Variants in SUCLG2 observed in about 807,000 individuals in gnomAD.
SUCLG2 encodes the protein succinate--CoA ligase [GDP-forming] subunit beta, mitochondrial.
In SUCLG2, 42 loss-of-function variants were observed where a neutral mutation model predicts 47.9. The observed-to-expected ratio is 0.88, with a 90% CI of 0.69 to 1.14. SUCLG2 has a LOEUF of 1.14. Ranked by LOEUF, SUCLG2 falls within the 50% of genes most tolerant of loss-of-function variation. The pLI is 0.00. For missense variants in SUCLG2, 571 were observed against 525.9 expected (o/e 1.09, Z -0.84); for synonymous variants, 195 against 197.3 (o/e 0.99, Z 0.10).
intron 1 of SUCLG2, among the ~76,000 whole-genome samples, chr3:67,619,624 G>A (rs1249592079): frequency 1.3e-5 from 2 of 152,208 alleles, no homozygotes; most frequent in South Asian, 2.1e-4. Flanking sequence ...TCCCTAACTC[G>A]AAAGAATTAA....
chr3:67,478,605 G>A (rs566389782), intron 9 of SUCLG2, among the ~76,000 whole-genome samples: 3 of 152,220 alleles, frequency 2.0e-5, no homozygotes, highest in Admixed American at 6.5e-5. Flanking sequence ...AACATGTTAT[G>A]TAGTATCATA....
intron 10 of SUCLG2, among the ~76,000 whole-genome samples, chr3:67,379,294 C>G (rs560166364): frequency 6.6e-6 from 1 of 152,258 alleles, no homozygotes; most frequent in South Asian, 2.1e-4. Flanking sequence ...GCCCTTCTTC[C>G]TCTTCCTTTC....
At chr3:67,476,371 T>G (rs1704756172) in intron 9 of SUCLG2, among the ~76,000 whole-genome samples, 1 of 151,972 alleles carries the variant, frequency 6.6e-6, no homozygotes, top group Non-Finnish European at 1.5e-5. Flanking sequence ...TTGTGAACTG[T>G]GCATGTGAGG....
rs575255824 is a variant in SUCLG2 at position 67,392,839 on chromosome 3, G to T, written c.1183+7892C>A. Among the ~76,000 whole-genome samples, 9 of 151,600 alleles carry T rather than the reference G, an allele frequency of 5.9e-5. No individual in the cohort carries two copies. The East Asian group carries it at 1.7e-3, about 29-fold the overall frequency. ...TCACTGTACTTTTTTTTTTGAGATGGGGTCTTGCTAAGTTGCCCAGACTGG... is the reference window on the plus strand; with the variant it reads ...TCACTGTACTTTTTTTTTTGAGATGTGGTCTTGCTAAGTTGCCCAGACTGG... On this transcript the variant is annotated intron_variant, in intron 10 of 10. Coordinates refer to ENST00000307227, the MANE Select transcript of SUCLG2 (RefSeq NM_003848.4).
chr3:67,383,844 C>G (rs1477241931), intron 10 of SUCLG2, among the ~76,000 whole-genome samples: 1 of 152,090 alleles, frequency 6.6e-6, no homozygotes, highest in Non-Finnish European at 1.5e-5. Flanking sequence ...AGCAAGAACA[C>G]CTTACACTTC....
intron 9 of SUCLG2, among the ~76,000 whole-genome samples, chr3:67,492,794 G>C (rs1383755133): frequency 6.6e-6 from 1 of 152,172 alleles, no homozygotes; most frequent in Admixed American, 6.5e-5. Flanking sequence ...ATTAGTTGTA[G>C]AGATACTTGT....
intron 9 of SUCLG2, among the ~76,000 whole-genome samples, chr3:67,419,340 A>C (rs1703102986): frequency 6.6e-6 from 1 of 152,218 alleles, no homozygotes; most frequent in Non-Finnish European, 1.5e-5. Context: ...CTTTGAACTT[A>C]CAAGATACAG....
chr3:67,395,764 G>C (rs1348082742), intron 10 of SUCLG2, among the ~76,000 whole-genome samples: 7 of 152,156 alleles, frequency 4.6e-5, no homozygotes, highest in East Asian at 1.9e-4. Context: ...TGAACACATA[G>C]TTGGAAGTAA....
chr3:67,398,914 C>A (rs548224933), intron 10 of SUCLG2, among the ~76,000 whole-genome samples: 1 of 150,302 alleles, frequency 6.7e-6, no homozygotes, highest in Admixed American at 6.7e-5. Context: ...AGTAAACTAT[C>A]GCAAGGACAA....
At chr3:67,447,670 A>G (rs1304479252) in intron 9 of SUCLG2, among the ~76,000 whole-genome samples, 1 of 152,254 alleles carries the variant, frequency 6.6e-6, no homozygotes, top group Non-Finnish European at 1.5e-5. Flanking sequence ...CCAATGGAAA[A>G]GAAAGTTCAT....
chr3:67,374,945 T>G lies in SUCLG2; in HGVS notation c.*799A>C, dbSNP rs1307367257. On this transcript the variant is annotated 3_prime_UTR_variant, in exon 11 of 11. Coordinates refer to ENST00000307227, the MANE Select transcript of SUCLG2 (RefSeq NM_003848.4). The stretch of plus-strand genomic sequence containing the variant: ...AGAAGATAGTGATACTAAACACAAT[T>G]TGATCTTCAGTGTTGTCTCATCTTG... 1 of 985,600 alleles carries G rather than the reference T, an allele frequency of 1.0e-6. No homozygotes were observed. The highest frequency in any genetic ancestry group is 1.2e-6 in the Non-Finnish European group (1 of 829,894). 61.1% of individuals were successfully genotyped at this position (985,600 alleles called of 1,614,324 possible). A position where few individuals can be genotyped will look rare whatever the true frequency, so the allele number is the denominator to read the frequency against.
At chr3:67,558,264 A>G (rs1435020558) in intron 2 of SUCLG2, among the ~76,000 whole-genome samples, 1 of 152,086 alleles carries the variant, frequency 6.6e-6, no homozygotes, top group African/African-American at 2.4e-5. Flanking sequence ...TGGAAAGCCA[A>G]AATTATAGAG....
chr3:67,488,464 G>T (rs959272581), intron 9 of SUCLG2, among the ~76,000 whole-genome samples: 1 of 152,260 alleles, frequency 6.6e-6, no homozygotes, highest in East Asian at 1.9e-4. Flanking sequence ...CTGCTATACA[G>T]GAAAGGAATC....
intron 9 of SUCLG2, among the ~76,000 whole-genome samples, chr3:67,401,555 A>T (rs905807515): frequency 6.8e-5 from 10 of 147,582 alleles, no homozygotes; most frequent in South Asian, 2.2e-4. Flanking sequence ...TACATATTCC[A>T]TATTCAAAGG....
At chr3:67,578,952 A>G (rs1445291413) in intron 2 of SUCLG2, among the ~76,000 whole-genome samples, 1 of 152,216 alleles carries the variant, frequency 6.6e-6, no homozygotes, top group African/African-American at 2.4e-5. Flanking sequence ...CCGCTCTCTA[A>G]GAAGATCCAG....
intron 2 of SUCLG2, among the ~76,000 whole-genome samples, chr3:67,584,351 C>T (rs1451356302): frequency 6.6e-6 from 1 of 152,142 alleles, no homozygotes; most frequent in East Asian, 1.9e-4. Context: ...TATAGGGACA[C>T]AATGCAGATT....
At chr3:67,599,477 G>A (rs1186049469) in intron 2 of SUCLG2, among the ~76,000 whole-genome samples, 3 of 152,092 alleles carry the variant, frequency 2.0e-5, no homozygotes, top group Non-Finnish European at 2.9e-5. Flanking sequence ...GTGTCTCAAC[G>A]GGATCCAGGT....
chr3:67,435,851 C>T (rs961326127), intron 9 of SUCLG2, among the ~76,000 whole-genome samples: 2 of 152,152 alleles, frequency 1.3e-5, no homozygotes, highest in East Asian at 1.9e-4. Flanking sequence ...GGAATTTCCA[C>T]TAACCATTAA....
At chr3:67,484,570 T>C (rs1705003427) in intron 9 of SUCLG2, among the ~76,000 whole-genome samples, 1 of 152,214 alleles carries the variant, frequency 6.6e-6, no homozygotes, top group Non-Finnish European at 1.5e-5. Context: ...GAAAGCTCTA[T>C]ACCTTGGGTA....
Sources: allele counts gnomAD v4.1 joint callset (sites outside exome capture counted in the v4.1 genomes callset), GRCh38; gene constraint gnomAD v4.1.1; transcripts MANE v1.5; gene names NCBI Gene and HGNC (gene_info 2026-07-23, HGNC 2026-07-21).